RBFOX1: variants seen among roughly 807,000 people sequenced by gnomAD.
RBFOX1 encodes RNA binding protein fox-1 homolog 1.
A neutral mutation model predicts 57.7 loss-of-function variants in RBFOX1; 8 were observed. The observed-to-expected ratio is 0.14, with a 90% CI of 0.08 to 0.25. The LOEUF is 0.25. Among genes scored for constraint, RBFOX1 ranks in the 10% least tolerant of loss-of-function variants. The pLI, the probability that RBFOX1 is intolerant of heterozygous loss-of-function variation, is 1.00. For missense variants in RBFOX1, 611 were observed against 548.5 expected (o/e 1.11, Z -1.14); for synonymous variants, 326 against 222.4 (o/e 1.47, Z -4.15).
chr16:7,350,730 T>C (rs2097113533), intron 4 of RBFOX1, among the ~76,000 whole-genome samples: 1 of 152,194 alleles, frequency 6.6e-6, no homozygotes, highest in South Asian at 2.1e-4. Context: ...CGGAGAATTC[T>C]GCCCTAAAAA....
intron 3 of RBFOX1, among the ~76,000 whole-genome samples, chr16:5,807,878 C>T (rs947082164): frequency 2.0e-5 from 3 of 152,174 alleles, no homozygotes; most frequent in Non-Finnish European, 2.9e-5. Context: ...GAGCAGGGAG[C>T]TGGACAACTG....
chr16:6,595,183 C>G (rs9930422), intron 2 of RBFOX1, among the ~76,000 whole-genome samples: 1 of 151,968 alleles, frequency 6.6e-6, no homozygotes, highest in Non-Finnish European at 1.5e-5. Context: ...CAGAAAGACA[C>G]GTTGTCCCCA....
chr16:7,369,353 C>G (rs979006382), intron 4 of RBFOX1, among the ~76,000 whole-genome samples: 9 of 152,210 alleles, frequency 5.9e-5, no homozygotes, highest in East Asian at 5.8e-4. Flanking sequence ...GAGGCCCTAG[C>G]AAGAAGCAAA....
At chr16:6,161,103 C>T (rs969771703) in intron 1 of RBFOX1, among the ~76,000 whole-genome samples, 4 of 152,090 alleles carry the variant, frequency 2.6e-5, no homozygotes, top group African/African-American at 9.7e-5. Flanking sequence ...GAGAAGTGAT[C>T]ACTGGCTGGG....
intron 2 of RBFOX1, among the ~76,000 whole-genome samples, chr16:5,594,970 A>G (rs544795641): frequency 1.2e-3 from 31 of 25,610 alleles, no homozygotes; most frequent in African/African-American, 6.5e-3. Flanking sequence ...TGTCTCTACT[A>G]AAAAAAAAAA....
chr16:7,180,155 C>T (rs535382588), intron 4 of RBFOX1, among the ~76,000 whole-genome samples: 2 of 152,016 alleles, frequency 1.3e-5, no homozygotes, highest in East Asian at 1.9e-4. Context: ...TTCTGCCTTG[C>T]AGAACTATTA....
At chr16:6,862,941 C>T (rs1053902846) in intron 3 of RBFOX1, among the ~76,000 whole-genome samples, 7 of 150,814 alleles carry the variant, frequency 4.6e-5, no homozygotes, top group African/African-American at 9.8e-5. Context: ...GCTGAGATCA[C>T]GGCACTGCAC....
intron 3 of RBFOX1, among the ~76,000 whole-genome samples, chr16:6,939,987 A>G (rs754744504): frequency 6.6e-6 from 1 of 152,216 alleles, no homozygotes; most frequent in South Asian, 2.1e-4. Flanking sequence ...TATAATTTAT[A>G]TCATCCATAG....
intron 3 of RBFOX1, among the ~76,000 whole-genome samples, chr16:6,922,541 G>T (rs948168533): frequency 6.6e-6 from 1 of 152,180 alleles, no homozygotes; most frequent in African/African-American, 2.4e-5. Flanking sequence ...TCCTGCGTCT[G>T]TGTTTTCATT....
At chr16:7,040,039 T>C (rs2045680622) in intron 3 of RBFOX1, among the ~76,000 whole-genome samples, 1 of 151,688 alleles carries the variant, frequency 6.6e-6, no homozygotes, top group South Asian at 2.1e-4. Flanking sequence ...ATTATTATTT[T>C]GAGACAAAGT....
At chr16:5,466,078 A>G (rs2068943749) in intron 1 of RBFOX1, among the ~76,000 whole-genome samples, 2 of 152,190 alleles carry the variant, frequency 1.3e-5, no homozygotes, top group African/African-American at 4.8e-5. Flanking sequence ...TTTGACAAGA[A>G]AAAAGGGAGT....
chr16:7,194,785 G>C (rs1455696662), intron 4 of RBFOX1, among the ~76,000 whole-genome samples: 1 of 151,936 alleles, frequency 6.6e-6, no homozygotes, highest in African/African-American at 2.4e-5. Context: ...AAAATTAGCT[G>C]GACGTGGTGG....
intron 3 of RBFOX1, among the ~76,000 whole-genome samples, chr16:5,705,975 C>G (rs1351355557): frequency 6.6e-6 from 1 of 152,068 alleles, no homozygotes; most frequent in Non-Finnish European, 1.5e-5. Flanking sequence ...CAGTGGTGTG[C>G]TCTCCATTCA....
At chr16:6,252,206 A>T (rs2097620437) in intron 1 of RBFOX1, among the ~76,000 whole-genome samples, 1 of 152,044 alleles carries the variant, frequency 6.6e-6, no homozygotes, top group South Asian at 2.1e-4. Context: ...TTGATAGAAA[A>T]GGCAGAGAGC....
At chr16:7,139,176 C>CTCTGTGTGTGTGTGTGTGTG (rs372381673) in intron 4 of RBFOX1, among the ~76,000 whole-genome samples, 40 of 145,792 alleles carry the variant, frequency 2.7e-4, no homozygotes, top group African/African-American at 9.8e-4. Flanking sequence ...CAATCTCTCT[C>CTCTGTGTGTGTGTGTGTGTG]TGTGTGTGTG....
chr16:5,727,674 TTTG>T (rs1327855858), intron 3 of RBFOX1, among the ~76,000 whole-genome samples: 1 of 152,020 alleles, frequency 6.6e-6, no homozygotes, highest in South Asian at 2.1e-4. Context: ...CTACTCTGTT[TTTG>T]TTGTTGTTGT....
intron 3 of RBFOX1, among the ~76,000 whole-genome samples, chr16:6,898,075 T>A (rs898125164): frequency 6.6e-6 from 1 of 152,232 alleles, no homozygotes; most frequent in Non-Finnish European, 1.5e-5. Context: ...ACTTGGCAGT[T>A]ATTTCAAAGA....
rs1423376708 is a variant in RBFOX1, at chr16:7,713,054, T to TA, written c.*2313dup. The TA allele has an allele frequency of 1.5e-4, 23 of 152,358 alleles. No individual in the cohort carries two copies. Among genetic ancestry groups the TA allele is most frequent in the African/African-American group, 5.5e-4 (23 of 41,592 alleles). 9.4% of individuals were successfully genotyped at this position (152,358 alleles called of 1,614,324 possible). A position where few individuals can be genotyped will look rare whatever the true frequency, so the allele number is the denominator to read the frequency against. On this transcript the variant is annotated 3_prime_UTR_variant, in exon 16 of 16. Coordinates refer to ENST00000550418, the MANE Select transcript of RBFOX1 (RefSeq NM_018723.4). ...ACTCCAAGATGCCAATAAGTCATTT[T>TA]AAAATGTATGTCAGAGATGTAAACA...
chr16:6,052,815 TAA>T (rs2095569235), intron 1 of RBFOX1, among the ~76,000 whole-genome samples: 1 of 147,762 alleles, frequency 6.8e-6, no homozygotes, highest in Non-Finnish European at 1.5e-5. Context: ...ATAATAATAA[TAA>T]TAATAATAAT....
Sources: gnomAD v4.1 joint callset for allele counts (sites outside exome capture counted in the v4.1 genomes callset) on GRCh38, gnomAD v4.1.1 for gene constraint, MANE v1.5 for transcripts, NCBI Gene and HGNC (gene_info 2026-07-23, HGNC 2026-07-21) for gene names.